NRXN1: variants seen among roughly 807,000 people sequenced by gnomAD.
NRXN1 encodes neurexin-1.
A neutral mutation model predicts 150.9 loss-of-function variants in NRXN1; 39 were observed. That is an observed-to-expected ratio of 0.26 (90% CI 0.20 to 0.34). The LOEUF (loss-of-function observed/expected upper bound fraction) is 0.34. Ranked by LOEUF, NRXN1 falls within the 10% of genes least tolerant of loss-of-function variation. The probability of loss-of-function intolerance (pLI) is 1.00; values close to 1 mark genes in which losing one functional copy is unlikely to be tolerated. For missense variants in NRXN1, 1,815 were observed against 1,949.9 expected (o/e 0.93, Z 1.30); for synonymous variants, 924 against 757.0 (o/e 1.22, Z -3.62).
chr2:51,024,714 AG>A (rs1401638218), intron 2 of NRXN1, among the ~76,000 whole-genome samples: 3 of 152,156 alleles, frequency 2.0e-5, no homozygotes, highest in African/African-American at 7.2e-5. Context: ...CTTACTTTTT[AG>A]TAGTTCTTAT....
intron 19 of NRXN1, among the ~76,000 whole-genome samples, chr2:50,085,887 T>C (rs1027890213): frequency 2.6e-5 from 4 of 152,178 alleles, no homozygotes; most frequent in Non-Finnish European, 5.9e-5. Context: ...TGTTTAAAGA[T>C]GCATCTAATG....
chr2:50,443,344 C>T (rs973630494), intron 17 of NRXN1, among the ~76,000 whole-genome samples: 1 of 152,130 alleles, frequency 6.6e-6, no homozygotes, highest in African/African-American at 2.4e-5. Context: ...GAATTTTCTT[C>T]TTATTGCTTT....
intron 5 of NRXN1, among the ~76,000 whole-genome samples, chr2:50,899,663 A>G (rs971614787): frequency 6.6e-6 from 1 of 152,182 alleles, no homozygotes; most frequent in Non-Finnish European, 1.5e-5. Context: ...TGCAGGATGT[A>G]TTAAAGAAAG....
intron 5 of NRXN1, among the ~76,000 whole-genome samples, chr2:50,869,954 G>T (rs1677517630): frequency 1.3e-5 from 2 of 151,614 alleles, no homozygotes; most frequent in South Asian, 4.2e-4. Flanking sequence ...ACAAGTTTGG[G>T]GAATGCAAAA....
At chr2:50,586,801 C>T (rs1673185496) in intron 8 of NRXN1, among the ~76,000 whole-genome samples, 1 of 152,086 alleles carries the variant, frequency 6.6e-6, no homozygotes, top group Non-Finnish European at 1.5e-5. Context: ...TGTAGAGGTA[C>T]AGGTAGATAA....
intron 2 of NRXN1, among the ~76,000 whole-genome samples, chr2:50,929,938 T>A (rs1687494086): frequency 6.6e-6 from 1 of 152,028 alleles, no homozygotes; most frequent in African/African-American, 2.4e-5. Flanking sequence ...AAAGCAGCAG[T>A]CAGCTGAAGG....
chr2:50,097,384 A>T (rs762434027), intron 18 of NRXN1, among the ~76,000 whole-genome samples: 2 of 152,124 alleles, frequency 1.3e-5, no homozygotes, highest in African/African-American at 2.4e-5. Context: ...CTATGCTTGT[A>T]CTCATTTCAG....
chr2:50,007,158 C>G (rs921825195), intron 21 of NRXN1, among the ~76,000 whole-genome samples: 1 of 151,762 alleles, frequency 6.6e-6, no homozygotes, highest in African/African-American at 2.4e-5. Flanking sequence ...GCCTGGATAA[C>G]AAAGCGAGAC....
At chr2:50,804,130 C>T (rs1417774200) in intron 5 of NRXN1, among the ~76,000 whole-genome samples, 1 of 151,922 alleles carries the variant, frequency 6.6e-6, no homozygotes, top group Admixed American at 6.6e-5. Flanking sequence ...AATCAGTTCT[C>T]GAAATGAAAT....
chr2:50,460,538 T>C (rs936987772), intron 17 of NRXN1, among the ~76,000 whole-genome samples: 2 of 152,018 alleles, frequency 1.3e-5, no homozygotes, highest in Non-Finnish European at 2.9e-5. Context: ...AACAATAATA[T>C]AAAAAGACCA....
At chr2:49,987,895 A>G (rs1047625107) in intron 21 of NRXN1, among the ~76,000 whole-genome samples, 4 of 152,072 alleles carry the variant, frequency 2.6e-5, no homozygotes, top group Non-Finnish European at 2.9e-5. Context: ...CAATTTATAT[A>G]TTTAGTTGTA....
At chr2:50,512,542 T>C (rs1459481686) in intron 12 of NRXN1, among the ~76,000 whole-genome samples, 1 of 152,204 alleles carries the variant, frequency 6.6e-6, no homozygotes, top group East Asian at 1.9e-4. Flanking sequence ...ATTCAAGGGA[T>C]GCATAGCTAT....
intron 21 of NRXN1, among the ~76,000 whole-genome samples, chr2:49,964,837 A>C (rs2152487297): frequency 6.6e-6 from 1 of 152,244 alleles, no homozygotes; most frequent in South Asian, 2.1e-4. Context: ...GCAAAAGTCC[A>C]TCTCAAAAAA....
chr2:50,798,969 A>G (rs146801935), intron 5 of NRXN1, among the ~76,000 whole-genome samples: 302 of 152,328 alleles, frequency 2.0e-3, no homozygotes, highest in African/African-American at 6.7e-3. Flanking sequence ...GTGTCTAAAT[A>G]TTAGGTTGGT....
chr2:50,933,244 C>A (rs1474051538), intron 2 of NRXN1, among the ~76,000 whole-genome samples: 1 of 151,998 alleles, frequency 6.6e-6, no homozygotes, highest in Non-Finnish European at 1.5e-5. Context: ...TAAATTGTGC[C>A]TTCCTTTTAA....
chr2:50,287,122 G>A (rs1016576037), intron 17 of NRXN1, among the ~76,000 whole-genome samples: 1 of 152,030 alleles, frequency 6.6e-6, no homozygotes, highest in African/African-American at 2.4e-5. Flanking sequence ...TTTTCAACAA[G>A]TATATAAAAA....
intron 12 of NRXN1, among the ~76,000 whole-genome samples, chr2:50,524,353 C>A (rs1024387135): frequency 6.6e-6 from 1 of 151,968 alleles, no homozygotes; most frequent in South Asian, 2.1e-4. Context: ...CTGGTGCACG[C>A]CTGTAGTTCC....
At chr2:50,417,580 C>T (rs570244741) in intron 17 of NRXN1, among the ~76,000 whole-genome samples, 1 of 151,830 alleles carries the variant, frequency 6.6e-6, no homozygotes, top group East Asian at 2.0e-4. Context: ...GTCCAGAAGA[C>T]AAATTCCAAG....
chr2:50,703,269 G>A (rs1181560802), intron 5 of NRXN1, among the ~76,000 whole-genome samples: 1 of 152,016 alleles, frequency 6.6e-6, no homozygotes, highest in African/African-American at 2.4e-5. Context: ...AGGGGAGAAA[G>A]ACTAAAATGT....
Sources: gnomAD v4.1 joint callset for allele counts (sites outside exome capture counted in the v4.1 genomes callset) on GRCh38, gnomAD v4.1.1 for gene constraint, MANE v1.5 for transcripts, NCBI Gene and HGNC (gene_info 2026-07-23, HGNC 2026-07-21) for gene names.